Variants in THSD7B observed in about 807,000 individuals in gnomAD.
THSD7B encodes thrombospondin type-1 domain-containing protein 7B.
THSD7B carries 138 observed loss-of-function variants against 213.6 expected under a neutral mutation model. The ratio of observed to expected loss-of-function variants is 0.65; its 90% CI spans 0.56 to 0.74. The LOEUF is 0.74. THSD7B is among the 30% of genes least tolerant of loss of function. The probability of loss-of-function intolerance (pLI) is 0.00; values close to 1 mark genes in which losing one functional copy is unlikely to be tolerated. For synonymous variants in THSD7B, 742 were observed against 687.0 expected (o/e 1.08, Z -1.25); for missense variants, 1,931 against 1,991.5 (o/e 0.97, Z 0.58).
intron 15 of THSD7B, among the ~76,000 whole-genome samples, chr2:137,485,676 A>T (rs540946493): frequency 6.6e-6 from 1 of 152,006 alleles, no homozygotes; most frequent in Non-Finnish European, 1.5e-5. Flanking sequence ...CGAGAAGTGC[A>T]CCAAGACACA....
chr2:137,548,953 T>G (rs879390356), intron 15 of THSD7B, among the ~76,000 whole-genome samples: 8 of 151,972 alleles, frequency 5.3e-5, no homozygotes, highest in Non-Finnish European at 8.8e-5. Context: ...AAGGCAACAG[T>G]TGCATGCATC....
At chr2:136,791,638 A>T (rs1010265653) in intron 1 of THSD7B, among the ~76,000 whole-genome samples, 2 of 151,906 alleles carry the variant, frequency 1.3e-5, no homozygotes, top group South Asian at 4.2e-4. Context: ...TATAAATAGA[A>T]TTATACAGTG....
chr2:136,951,951 C>A (rs1372378811), intron 2 of THSD7B, among the ~76,000 whole-genome samples: 3 of 152,110 alleles, frequency 2.0e-5, no homozygotes, highest in Non-Finnish European at 4.4e-5. Flanking sequence ...CTCACTGCAA[C>A]CTCCGCCTCT....
chr2:137,253,945 G>C (rs1682246843), intron 10 of THSD7B, among the ~76,000 whole-genome samples: 1 of 152,110 alleles, frequency 6.6e-6, no homozygotes, highest in African/African-American at 2.4e-5. Context: ...AGAATTAGAG[G>C]TGGAGTTAAA....
At chr2:136,898,275 C>T (rs1226150286) in intron 2 of THSD7B, among the ~76,000 whole-genome samples, 1 of 152,110 alleles carries the variant, frequency 6.6e-6, no homozygotes, top group Non-Finnish European at 1.5e-5. Context: ...TAAGTTTATT[C>T]ATAAGTATTT....
intron 17 of THSD7B, among the ~76,000 whole-genome samples, chr2:137,580,938 A>G (rs1402434356): frequency 1.3e-5 from 2 of 152,156 alleles, no homozygotes; most frequent in East Asian, 1.9e-4. Flanking sequence ...TCATGATCCA[A>G]ATATCTCCCA....
chr2:136,844,472 G>GAGAGAGAC (rs1553452609), intron 1 of THSD7B, among the ~76,000 whole-genome samples: 1 of 148,832 alleles, frequency 6.7e-6, no homozygotes, highest in Non-Finnish European at 1.5e-5. Flanking sequence ...CAGAGAGAGA[G>GAGAGAGAC]AGAGAGAGAG....
At chr2:137,020,161 G>A (rs949238356) in intron 2 of THSD7B, among the ~76,000 whole-genome samples, 8 of 152,156 alleles carry the variant, frequency 5.3e-5, no homozygotes, top group Admixed American at 2.0e-4. Flanking sequence ...CTAACTACAC[G>A]TTAAAGGGCT....
chr2:137,574,741 T>G (rs1239670936), intron 17 of THSD7B, among the ~76,000 whole-genome samples: 3 of 152,082 alleles, frequency 2.0e-5, no homozygotes, highest in African/African-American at 7.2e-5. Flanking sequence ...TTGCATAACT[T>G]TAGTTAAGTT....
At chr2:136,879,658 T>C (rs1683585695) in intron 1 of THSD7B, among the ~76,000 whole-genome samples, 1 of 152,138 alleles carries the variant, frequency 6.6e-6, no homozygotes, top group South Asian at 2.1e-4. Flanking sequence ...GATTCCTAGG[T>C]ATTTTATTCT....
chr2:137,393,674 C>T (rs1029230404), intron 12 of THSD7B, among the ~76,000 whole-genome samples: 1 of 141,632 alleles, frequency 7.1e-6, no homozygotes, highest in East Asian at 2.0e-4. Flanking sequence ...GGGTATATAC[C>T]CAGTAATGGG....
intron 27 of THSD7B, among the ~76,000 whole-genome samples, chr2:137,675,236 G>A (rs541592260): frequency 1.3e-4 from 20 of 152,054 alleles, no homozygotes; most frequent in African/African-American, 4.3e-4. Flanking sequence ...CGATGAAAAT[G>A]TTCTGGAGCT....
chr2:137,623,343 C>T (rs886772252), intron 20 of THSD7B, among the ~76,000 whole-genome samples: 77 of 152,236 alleles, frequency 5.1e-4, no homozygotes, highest in Non-Finnish European at 7.8e-4. Context: ...ATAATAAGAG[C>T]TATTTATGAC....
At chr2:137,541,622 A>C (rs1680611261) in intron 15 of THSD7B, among the ~76,000 whole-genome samples, 1 of 151,718 alleles carries the variant, frequency 6.6e-6, no homozygotes, top group East Asian at 1.9e-4. Context: ...GCTACAGTAC[A>C]GAACACTGCA....
rs528612993 is a variant in THSD7B at position 137,233,023 on chromosome 2, T to C, written c.2040T>C (p.Thr680=). 6.2e-7 allele frequency: 1 copy of C among 1,613,962 alleles called. No homozygotes were observed. Among genetic ancestry groups the C allele is most frequent in the East Asian group, 2.2e-5 (1 of 44,882 alleles). The change falls in exon 9 of 28, where the codon ACT becomes ACC. Residue 680 remains threonine, a synonymous_variant. Transcript: ENST00000409968. ...WGPCSEDTLV[T]ALNATIGWNG... is the part of the protein sequence containing the mutation. ...CTTGTTCTGAGGACACATTGGTAAC[T>C]GCCCTTAATGCAACCATTGGCTGGA...
At chr2:137,072,545 G>A (rs1174193104) in intron 3 of THSD7B, among the ~76,000 whole-genome samples, 1 of 152,150 alleles carries the variant, frequency 6.6e-6, no homozygotes, top group African/African-American at 2.4e-5. Flanking sequence ...CATGTCATCT[G>A]CAAATAGGGA....
chr2:137,462,203 T>G (rs1360108014), intron 15 of THSD7B, among the ~76,000 whole-genome samples: 2 of 152,086 alleles, frequency 1.3e-5, no homozygotes, highest in Non-Finnish European at 2.9e-5. Flanking sequence ...AGTGTCTCCA[T>G]GCTGTATACT....
chr2:137,047,158 T>C (rs905034125), intron 2 of THSD7B, among the ~76,000 whole-genome samples: 7 of 152,152 alleles, frequency 4.6e-5, no homozygotes, highest in African/African-American at 1.7e-4. Flanking sequence ...ACTCCTTTCA[T>C]CCATGCGAGA....
intron 14 of THSD7B, among the ~76,000 whole-genome samples, chr2:137,450,200 A>G (rs1687619749): frequency 6.6e-6 from 1 of 152,214 alleles, no homozygotes; most frequent in Non-Finnish European, 1.5e-5. Flanking sequence ...GAGATTATCC[A>G]GAGAAAGACC....
Sources: allele counts gnomAD v4.1 joint callset (sites outside exome capture counted in the v4.1 genomes callset), GRCh38; gene constraint gnomAD v4.1.1; transcripts MANE v1.5; gene names NCBI Gene and HGNC (gene_info 2026-07-23, HGNC 2026-07-21).